The following ATRNL1 variants were observed in gnomAD, a reference collection of about 807,000 sequenced individuals.
ATRNL1 encodes the protein attractin-like protein 1.
ATRNL1 carries 95 observed loss-of-function variants against 182.7 expected under a neutral mutation model. The ratio of observed to expected loss-of-function variants is 0.52; its 90% CI spans 0.44 to 0.62. The LOEUF (loss-of-function observed/expected upper bound fraction) is 0.62. Among genes scored for constraint, ATRNL1 ranks in the 20% least tolerant of loss-of-function variants. The probability of loss-of-function intolerance (pLI) is 0.00; values close to 1 mark genes in which losing one functional copy is unlikely to be tolerated. For synonymous variants in ATRNL1, 576 were observed against 568.3 expected (o/e 1.01, Z -0.19); for missense variants, 1,471 against 1,679.5 (o/e 0.88, Z 2.17).
intron 27 of ATRNL1, among the ~76,000 whole-genome samples, chr10:115,832,805 C>T (rs1193958003): frequency 6.6e-6 from 1 of 152,136 alleles, no homozygotes; most frequent in Non-Finnish European, 1.5e-5. Flanking sequence ...CCTTCTTGAT[C>T]CTGCATCTCT....
chr10:115,587,331 G>T (rs61881061), intron 26 of ATRNL1, among the ~76,000 whole-genome samples: 71,587 of 151,380 alleles, frequency 0.47, 18,355 homozygotes, highest in East Asian at 0.84. Context: ...ACCAAGCCTT[G>T]GCAATGGCGG....
intron 26 of ATRNL1, among the ~76,000 whole-genome samples, chr10:115,559,342 A>G (rs1393503675): frequency 6.6e-6 from 1 of 152,058 alleles, no homozygotes; most frequent in Non-Finnish European, 1.5e-5. Flanking sequence ...TAGCACCCAG[A>G]TCTTGTTTTC....
At chr10:115,286,716 T>A (rs1852633439) in intron 15 of ATRNL1, among the ~76,000 whole-genome samples, 1 of 151,952 alleles carries the variant, frequency 6.6e-6, no homozygotes, top group Non-Finnish European at 1.5e-5. Flanking sequence ...CAATTTTTGC[T>A]GAAAACTTTT....
intron 21 of ATRNL1, among the ~76,000 whole-genome samples, chr10:115,441,890 G>T (rs1237807958): frequency 6.6e-6 from 1 of 151,704 alleles, no homozygotes; most frequent in Non-Finnish European, 1.5e-5. Flanking sequence ...CCCTTACTTT[G>T]TGAGGGTGTT....
At chr10:115,939,450 TAAAAGTACA>T (rs1953660095) in intron 28 of ATRNL1, among the ~76,000 whole-genome samples, 1 of 152,218 alleles carries the variant, frequency 6.6e-6, no homozygotes, top group African/African-American at 2.4e-5. Flanking sequence ...GTTTAAGAAC[TAAAAGTACA>T]AAAAGGTAAA....
intron 27 of ATRNL1, among the ~76,000 whole-genome samples, chr10:115,837,411 A>T (rs868934075): frequency 3.4e-5 from 5 of 146,978 alleles, no homozygotes; most frequent in African/African-American, 5.3e-5. Flanking sequence ...AAATTAGGAA[A>T]TTTAAATTTA....
At chr10:115,500,029 G>T (rs1447299157) in intron 24 of ATRNL1, among the ~76,000 whole-genome samples, 1 of 151,972 alleles carries the variant, frequency 6.6e-6, no homozygotes. Flanking sequence ...CTCATTTTTT[G>T]CAGGTGTTGA....
intron 18 of ATRNL1, among the ~76,000 whole-genome samples, chr10:115,325,424 A>C (rs1554932887): frequency 6.6e-6 from 1 of 152,224 alleles, no homozygotes; most frequent in Admixed American, 6.5e-5. Context: ...TGATACAGCC[A>C]TTATGCCTGG....
chr10:115,293,294 T>A (rs925323980), intron 15 of ATRNL1, among the ~76,000 whole-genome samples: 7 of 152,188 alleles, frequency 4.6e-5, no homozygotes, highest in African/African-American at 7.2e-5. Flanking sequence ...GTTATTTTTT[T>A]AAAAAATACC....
At chr10:115,505,282 C>T (rs1332249453) in intron 24 of ATRNL1, among the ~76,000 whole-genome samples, 6 of 15,946 alleles carry the variant, frequency 3.8e-4, no homozygotes, top group Non-Finnish European at 1.9e-4. Flanking sequence ...CTTAGACTAG[C>T]ATGGCATCCA....
rs369442928 is a variant in ATRNL1, at chr10:115,257,592, A to T, written c.1688-7601A>T. Among the ~76,000 whole-genome samples, 37 of 152,032 alleles carry T rather than the reference A, an allele frequency of 2.4e-4. 1 individual carries two copies. In the South Asian group the frequency reaches 7.7e-3, roughly 32 times the overall value. On this transcript the variant is annotated intron_variant, in intron 10 of 28. Coordinates refer to ENST00000355044, the MANE Select transcript of ATRNL1 (RefSeq NM_207303.4). ...CTTGACTTTGTCTTTTAATTGGGGCATTTAGCCCATTTCCATTTAAGGTTA... is the reference window on the plus strand; with the variant it reads ...CTTGACTTTGTCTTTTAATTGGGGCTTTTAGCCCATTTCCATTTAAGGTTA...
intron 16 of ATRNL1, among the ~76,000 whole-genome samples, 182 bp from the exon 17 acceptor site, chr10:115,301,673 A>G (rs1853476078): frequency 2.6e-5 from 4 of 152,212 alleles, no homozygotes; most frequent in African/African-American, 9.6e-5. Context: ...TACATTTTCA[A>G]ATTTAATAAA....
At chr10:115,124,061 C>T (rs901799989) in intron 3 of ATRNL1, among the ~76,000 whole-genome samples, 3 of 151,936 alleles carry the variant, frequency 2.0e-5, no homozygotes, top group African/African-American at 7.3e-5. Flanking sequence ...AAATAAAGTG[C>T]ATAATAAATG....
Position 115,365,996 on chromosome 10 carries a change from T to G in ATRNL1, c.3176-28663T>G, listed in dbSNP as rs533729703. On this transcript the variant is annotated intron_variant, in intron 19 of 28. Transcript: ENST00000355044. ...GTGGTGCTGAAAATGTATATTCTGT[T>G]GATTTGGGGTGGAGAGTTCTGTAGA... is the stretch of plus-strand genomic sequence containing the variant. 8.5e-5 allele frequency among the ~76,000 whole-genome samples: 13 copies of G among 152,240 alleles called. No individual in the cohort carries two copies. The South Asian group carries it at 2.3e-3, about 27-fold the overall frequency.
At chr10:115,939,371 G>A (rs1384208973) in intron 28 of ATRNL1, among the ~76,000 whole-genome samples, 5 of 152,146 alleles carry the variant, frequency 3.3e-5, no homozygotes, top group Non-Finnish European at 7.3e-5. Context: ...AGGAAACAGA[G>A]GATGGTATGT....
At chr10:115,115,101 C>T (rs1429584558) in intron 1 of ATRNL1, among the ~76,000 whole-genome samples, 2 of 152,064 alleles carry the variant, frequency 1.3e-5, no homozygotes, top group East Asian at 1.9e-4. Context: ...AACTAGAGGC[C>T]ATTAGGTTAT....
chr10:115,794,741 C>T (rs1316154166), intron 27 of ATRNL1, among the ~76,000 whole-genome samples: 1 of 152,074 alleles, frequency 6.6e-6, no homozygotes, highest in Non-Finnish European at 1.5e-5. Context: ...ATGATGTTTG[C>T]TTTAATCATT....
chr10:115,178,176 C>G (rs1238938440), intron 8 of ATRNL1, among the ~76,000 whole-genome samples: 1 of 152,036 alleles, frequency 6.6e-6, no homozygotes, highest in South Asian at 2.1e-4. Context: ...TCCCAAAGTG[C>G]TGGGACTACA....
chr10:115,274,323 G>A (rs537029916), intron 13 of ATRNL1, among the ~76,000 whole-genome samples: 1 of 152,266 alleles, frequency 6.6e-6, no homozygotes, highest in African/African-American at 2.4e-5. Context: ...ACATACCCCA[G>A]TGAGGAATGT....
Sources: allele counts gnomAD v4.1 joint callset (sites outside exome capture counted in the v4.1 genomes callset), GRCh38; gene constraint gnomAD v4.1.1; transcripts MANE v1.5; gene names NCBI Gene and HGNC (gene_info 2026-07-23, HGNC 2026-07-21).